Variants in COA1 observed in about 807,000 individuals in gnomAD.
COA1 encodes cytochrome c oxidase assembly factor 1.
A neutral mutation model predicts 16.0 loss-of-function variants in COA1; 13 were observed. The observed-to-expected ratio is 0.81, with a 90% CI of 0.53 to 1.29. COA1 has a LOEUF of 1.29. Among genes scored for constraint, COA1 ranks in the 50% most tolerant of loss-of-function variants. The probability of loss-of-function intolerance (pLI) is 0.00; values close to 1 mark genes in which losing one functional copy is unlikely to be tolerated. For synonymous variants in COA1, 65 were observed against 65.7 expected (o/e 0.99, Z 0.05); for missense variants, 179 against 177.0 (o/e 1.01, Z -0.06).
chr7:43,635,674 G>A (rs180817820), downstream of COA1, among the ~76,000 whole-genome samples: 146 of 144,992 alleles, frequency 1.0e-3, no homozygotes, highest in African/African-American at 3.3e-3. Flanking sequence ...AACCTATTTC[G>A]TGAAAAATAA....
chr7:43,624,765 G>A, intron 6 of COA1: 1 of 1,613,288 alleles, frequency 6.2e-7, no homozygotes, highest in South Asian at 1.1e-5. Context: ...AGAGAAAATG[G>A]AGCAAAAGGC....
chr7:43,709,056 TTC>T (rs1563444545), intron 1 of COA1, among the ~76,000 whole-genome samples: 3 of 151,050 alleles, frequency 2.0e-5, no homozygotes, highest in African/African-American at 4.9e-5. Flanking sequence ...CAGAGTCTCA[TTC>T]TCTCTCCCAG....
chr7:43,624,281 CAA>C (rs1055173293), intron 6 of COA1, among the ~76,000 whole-genome samples: 1 of 152,146 alleles, frequency 6.6e-6, no homozygotes, highest in African/African-American at 2.4e-5. Flanking sequence ...TGGTGTCTCT[CAA>C]GAGAGCGTTT....
intron 1 of COA1, among the ~76,000 whole-genome samples, chr7:43,696,927 A>G (rs961695489): frequency 4.6e-5 from 7 of 152,100 alleles, no homozygotes; most frequent in African/African-American, 1.7e-4. Context: ...GATCAAGACC[A>G]TCCTGGCCAA....
At chr7:43,713,907 C>T (rs987809370) in intron 1 of COA1, among the ~76,000 whole-genome samples, 23 of 152,022 alleles carry the variant, frequency 1.5e-4, no homozygotes, top group Non-Finnish European at 2.4e-4. Context: ...GGCATGGTGG[C>T]GCACACCCAT....
intron 1 of COA1, among the ~76,000 whole-genome samples, chr7:43,713,245 C>T (rs2131834893): frequency 6.6e-6 from 1 of 152,258 alleles, no homozygotes; most frequent in East Asian, 1.9e-4. Context: ...AGCCACCATG[C>T]CCAGCCTCAA....
chr7:43,682,095 C>T (rs370466458), intron 1 of COA1, among the ~76,000 whole-genome samples: 30 of 152,116 alleles, frequency 2.0e-4, no homozygotes, highest in East Asian at 5.8e-4. Context: ...ATAATATGAA[C>T]GAAATAGTGC....
At chr7:43,619,561 T>C (rs1466252547) in intron 6 of COA1, 3 of 1,606,048 alleles carry the variant, frequency 1.9e-6, no homozygotes, top group East Asian at 4.5e-5. Context: ...TTAATCATAG[T>C]TATATTGATT....
At position 43,639,638 on chromosome 7, in the gene COA1, G is replaced by C. The variant is rs1257667451; in HGVS notation, c.385C>G (p.Gln129Glu). Reference sequence around the variant, plus strand: ...CCACTGAGCTTGAACACAGGAATCTGCTGACCATCCTTGAGCTCTAAAAAG... The same window carrying C: ...CCACTGAGCTTGAACACAGGAATCTCCTGACCATCCTTGAGCTCTAAAAAG... ...EVFLELKDGQ[Q>E]IPVFKLSGEN... Residue 129 changes from glutamine to glutamate, a missense_variant, in exon 6 of 6, where the codon CAG (glutamine) becomes GAG (glutamate). Coordinates refer to ENST00000223336, the MANE Select transcript of COA1 (RefSeq NM_018224.4). The C allele has an allele frequency of 6.8e-6, 11 of 1,613,922 alleles. No individual in the cohort carries two copies. The highest frequency in any genetic ancestry group is 9.3e-6 in the Non-Finnish European group (11 of 1,179,958).
intron 1 of COA1, among the ~76,000 whole-genome samples, chr7:43,727,385 T>C (rs1032768108): frequency 5.3e-5 from 8 of 152,248 alleles, no homozygotes; most frequent in Middle Eastern, 3.4e-3. Context: ...GCAAGAGAAA[T>C]GAAAACATGA....
intron 1 of COA1, among the ~76,000 whole-genome samples, chr7:43,720,367 C>G (rs956400289): frequency 6.6e-6 from 1 of 151,760 alleles, no homozygotes; most frequent in Admixed American, 6.6e-5. Flanking sequence ...TGCCTTTCCT[C>G]TTTATTAAGC....
intron 1 of COA1, among the ~76,000 whole-genome samples, chr7:43,714,146 C>A (rs1266144710): frequency 6.6e-6 from 1 of 152,082 alleles, no homozygotes; most frequent in African/African-American, 2.4e-5. Context: ...TAGGATCATG[C>A]CACTGCACTC....
At chr7:43,651,589 G>A (rs1006675518) in intron 1 of COA1, among the ~76,000 whole-genome samples, 6 of 151,684 alleles carry the variant, frequency 4.0e-5, no homozygotes, top group African/African-American at 1.5e-4. Context: ...AGAACAGCCA[G>A]GGAGTTCAAG....
chr7:43,657,062 T>G lies in COA1; in HGVS notation c.-38-8410A>C, dbSNP rs115065694. ...ATAAAATAAAATATAAAATAAAAAT[T>G]AAAAAAAACAGTCAAGAACAGAGAA... is the stretch of plus-strand genomic sequence containing the variant. On this transcript the variant is annotated intron_variant, in intron 1 of 5. Transcript: ENST00000223336. Among the ~76,000 whole-genome samples the G allele has an allele frequency of 7.1e-3, 1,078 of 151,742 alleles. 10 individuals are homozygous for G. Among genetic ancestry groups the G allele is most frequent in the African/African-American group, 0.025 (1,023 of 41,402 alleles).
At chr7:43,619,584 T>G in intron 6 of COA1, 2 of 1,611,072 alleles carry the variant, frequency 1.2e-6, no homozygotes, top group Non-Finnish European at 1.7e-6. Flanking sequence ...TGCGGGGGTG[T>G]ATTTTCTTTT....
At chr7:43,663,005 G>A (rs1397435026) in intron 1 of COA1, among the ~76,000 whole-genome samples, 2 of 152,214 alleles carry the variant, frequency 1.3e-5, no homozygotes, top group African/African-American at 4.8e-5. Context: ...ATGTTTAAAT[G>A]TAATCCCCAA....
At chr7:43,682,967 G>A (rs2093837500) in intron 1 of COA1, among the ~76,000 whole-genome samples, 2 of 152,256 alleles carry the variant, frequency 1.3e-5, no homozygotes, top group South Asian at 4.1e-4. Flanking sequence ...TTGTGCCTCA[G>A]CCTCCTGAAT....
At chr7:43,711,558 A>G (rs1218313243) in intron 1 of COA1, 1 of 152,210 alleles carries the variant, frequency 6.6e-6, no homozygotes, top group East Asian at 1.9e-4. Flanking sequence ...TGTATCAAAT[A>G]GTCATGTGTC....
At chr7:43,638,484 G>A (rs779907209), downstream of COA1, among the ~76,000 whole-genome samples, 3 of 151,662 alleles carry the variant, frequency 2.0e-5, no homozygotes, top group African/African-American at 4.8e-5. Context: ...TCTAACATGC[G>A]GTTAAGTTGT....
Sources: allele counts gnomAD v4.1 joint callset (sites outside exome capture counted in the v4.1 genomes callset), GRCh38; gene constraint gnomAD v4.1.1; transcripts MANE v1.5; gene names NCBI Gene and HGNC (gene_info 2026-07-23, HGNC 2026-07-21).